The following PDZRN4 variants were observed in gnomAD, a reference collection of about 807,000 sequenced individuals.
PDZRN4 encodes PDZ domain-containing RING finger protein 4.
Under a neutral mutation model 99.0 loss-of-function variants are expected in PDZRN4, and 70 were observed. The observed-to-expected ratio is 0.71, with a 90% CI of 0.58 to 0.86. The LOEUF is 0.86. PDZRN4 is among the 40% of genes least tolerant of loss of function. The pLI, the probability that PDZRN4 is intolerant of heterozygous loss-of-function variation, is 0.00. For synonymous variants in PDZRN4, 551 were observed against 501.6 expected (o/e 1.10, Z -1.32); for missense variants, 1,474 against 1,331.2 (o/e 1.11, Z -1.67).
chr12:41,387,843 T>A (rs535742821), intron 3 of PDZRN4, among the ~76,000 whole-genome samples: 3 of 152,286 alleles, frequency 2.0e-5, no homozygotes, highest in Admixed American at 6.5e-5. Flanking sequence ...AGTAAATTAG[T>A]TAAATCATTG....
intron 3 of PDZRN4, among the ~76,000 whole-genome samples, chr12:41,429,948 AC>A (rs1952572166): frequency 6.6e-6 from 1 of 152,058 alleles, no homozygotes; most frequent in Non-Finnish European, 1.5e-5. Context: ...CCTACATAAT[AC>A]CTGTGATGTT....
At chr12:41,373,747 C>T (rs968737349) in intron 3 of PDZRN4, among the ~76,000 whole-genome samples, 13 of 152,006 alleles carry the variant, frequency 8.6e-5, no homozygotes, top group African/African-American at 2.7e-4. Flanking sequence ...GATTAAGAGA[C>T]TAAAGTAAAG....
intron 3 of PDZRN4, among the ~76,000 whole-genome samples, chr12:41,463,728 T>A (rs762076843): frequency 6.6e-6 from 1 of 152,146 alleles, no homozygotes; most frequent in Non-Finnish European, 1.5e-5. Context: ...AAACAGAAAT[T>A]GTAGGTTACT....
rs1939143976 is a variant in PDZRN4, at chr12:41,555,614, C to A, written c.1303-84C>A. On this transcript the variant is annotated intron_variant, in intron 6 of 9. Coordinates refer to ENST00000402685, the MANE Select transcript of PDZRN4 (RefSeq NM_001164595.2). ...ACAGAGAATTTTGAAACAGCTTTTT[C>A]AAAATATATTTTAAAGCCATATTTT... 3 of 1,058,448 alleles carry A rather than the reference C, an allele frequency of 2.8e-6. No individual in the cohort carries two copies. In the Admixed American group the frequency reaches 5.7e-5, roughly 20 times the overall value. 65.6% of individuals were successfully genotyped at this position (1,058,448 alleles called of 1,614,324 possible). A position where few individuals can be genotyped will look rare whatever the true frequency, so the allele number is the denominator to read the frequency against.
At chr12:41,218,497 C>CA (rs571090870) in intron 3 of PDZRN4, among the ~76,000 whole-genome samples, 1 of 142,566 alleles carries the variant, frequency 7.0e-6, no homozygotes, top group Non-Finnish European at 1.5e-5. Context: ...GCTTTTGTTT[C>CA]AAAAAAAATT....
intron 3 of PDZRN4, among the ~76,000 whole-genome samples, chr12:41,216,209 A>G (rs1950919965): frequency 6.6e-6 from 1 of 152,048 alleles, no homozygotes; most frequent in Non-Finnish European, 1.5e-5. Context: ...TGGACATTAT[A>G]GAGAAATAAT....
intron 3 of PDZRN4, among the ~76,000 whole-genome samples, chr12:41,222,314 C>T (rs1010502075): frequency 8.5e-5 from 13 of 152,244 alleles, no homozygotes; most frequent in East Asian, 1.9e-4. Flanking sequence ...ATGTCCTTTT[C>T]GGCATTTCTT....
chr12:41,221,842 T>C (rs963995914), intron 3 of PDZRN4, among the ~76,000 whole-genome samples: 5 of 152,126 alleles, frequency 3.3e-5, no homozygotes, highest in Non-Finnish European at 5.9e-5. Flanking sequence ...CTAACTTTCC[T>C]GGCACAACTG....
At chr12:41,334,023 TCCTTATTAC>T (rs1021714047) in intron 3 of PDZRN4, among the ~76,000 whole-genome samples, 1 of 152,130 alleles carries the variant, frequency 6.6e-6, no homozygotes, top group Non-Finnish European at 1.5e-5. Context: ...CTGACAGGGA[TCCTTATTAC>T]CAGCTGACTA....
intron 3 of PDZRN4, among the ~76,000 whole-genome samples, chr12:41,232,968 C>CAA (rs1951038694): frequency 1.3e-5 from 2 of 152,014 alleles, no homozygotes; most frequent in Non-Finnish European, 2.9e-5. Flanking sequence ...TGTCAAAGAT[C>CAA]AGATAGATGT....
intron 3 of PDZRN4, among the ~76,000 whole-genome samples, chr12:41,325,245 C>A (rs934322225): frequency 6.6e-6 from 1 of 151,912 alleles, no homozygotes; most frequent in Admixed American, 6.6e-5. Context: ...GCATTTGAAT[C>A]CTTACTTCAA....
chr12:41,249,431 G>A (rs1294408198), intron 3 of PDZRN4, among the ~76,000 whole-genome samples: 3 of 152,134 alleles, frequency 2.0e-5, no homozygotes, highest in Non-Finnish European at 4.4e-5. Context: ...ATGGGAACTT[G>A]CACACCATTT....
At chr12:41,361,637 CA>C (rs555833224) in intron 3 of PDZRN4, among the ~76,000 whole-genome samples, 21 of 151,894 alleles carry the variant, frequency 1.4e-4, no homozygotes, top group African/African-American at 5.1e-4. Context: ...CATCCCATCA[CA>C]AAAAAAGAAG....
chr12:41,379,472 T>G (rs1362045995), intron 3 of PDZRN4, among the ~76,000 whole-genome samples: 1 of 151,748 alleles, frequency 6.6e-6, no homozygotes, highest in African/African-American at 2.4e-5. Flanking sequence ...TTATTTTAGA[T>G]CCTTCTGTTT....
chr12:41,433,956 C>T (rs188838973), intron 3 of PDZRN4, among the ~76,000 whole-genome samples: 194 of 152,252 alleles, frequency 1.3e-3, no homozygotes, highest in Middle Eastern at 3.4e-3. Context: ...ACTACTGCCC[C>T]TATCAGGAGT....
chr12:41,544,026 A>T (rs541005865), intron 5 of PDZRN4, among the ~76,000 whole-genome samples: 77 of 152,346 alleles, frequency 5.1e-4, no homozygotes, highest in African/African-American at 1.7e-3. Flanking sequence ...GATGGACCAG[A>T]AATAACTACT....
At chr12:41,358,096 T>G (rs1951939831) in intron 3 of PDZRN4, among the ~76,000 whole-genome samples, 1 of 151,980 alleles carries the variant, frequency 6.6e-6, no homozygotes, top group Non-Finnish European at 1.5e-5. Context: ...AAATTCCATT[T>G]TGAACGATGT....
rs1040630906 is a variant in PDZRN4 at position 41,363,808 on chromosome 12, G to C, written c.844-142648G>C. ...GCAGGGCCATGTGTGCTGGTAGAAA[G>C]GGTGAGCAGAAAATGACGACTACCT... On this transcript the variant is annotated intron_variant, in intron 3 of 9. Transcript: ENST00000402685. 2.0e-5 allele frequency among the ~76,000 whole-genome samples: 3 copies of C among 152,072 alleles called. No individual in the cohort carries two copies. In the South Asian group the frequency reaches 6.2e-4, roughly 32 times the overall value.
At chr12:41,407,896 T>C (rs1166003587) in intron 3 of PDZRN4, among the ~76,000 whole-genome samples, 1 of 148,330 alleles carries the variant, frequency 6.7e-6, no homozygotes, top group African/African-American at 2.5e-5. Flanking sequence ...AGCTTTCTAA[T>C]TAAACTGCTT....
Sources: allele counts gnomAD v4.1 joint callset (sites outside exome capture counted in the v4.1 genomes callset), GRCh38; gene constraint gnomAD v4.1.1; transcripts MANE v1.5; gene names NCBI Gene and HGNC (gene_info 2026-07-23, HGNC 2026-07-21).